The following ADGRG1 variants were observed in gnomAD, a reference collection of about 807,000 sequenced individuals.
ADGRG1 encodes 7-transmembrane protein with no EGF-like N-terminal domains-1.
Under a neutral mutation model 73.5 loss-of-function variants are expected in ADGRG1, and 53 were observed. That is an observed-to-expected ratio of 0.72 (90% CI 0.58 to 0.91). The LOEUF (loss-of-function observed/expected upper bound fraction) is 0.91. Among genes scored for constraint, ADGRG1 ranks in the 40% least tolerant of loss-of-function variants. The pLI is 0.00. For synonymous variants in ADGRG1, 394 were observed against 374.4 expected, an observed-to-expected ratio of 1.05 and a Z score of -0.60; for missense variants, 795 against 871.8, an observed-to-expected ratio of 0.91 and a Z score of 1.11.
intron 1 of ADGRG1, chr16:57,637,234 C>A: frequency 1.2e-6 from 1 of 804,922 alleles, no homozygotes; most frequent in Non-Finnish European, 1.5e-6. Context: ...TTCATCATTT[C>A]AGTCCCCGCC....
intron 5 of ADGRG1, 53 bp from the exon 6 acceptor site, chr16:57,655,346 G>A (rs1204978612): frequency 1.9e-6 from 3 of 1,604,176 alleles, no homozygotes; most frequent in African/African-American, 1.3e-5. Context: ...CTAGGGTGGG[G>A]GGCACGGATC....
intron 4 of ADGRG1, 60 bp from the exon 5 acceptor site, chr16:57,653,926 A>G (rs2148341654): frequency 6.2e-7 from 1 of 1,610,052 alleles, no homozygotes; most frequent in South Asian, 1.1e-5. Flanking sequence ...CTCCTGCCTC[A>G]GTCTCCCTGG....
chr16:57,627,951 C>T (rs2036178657), upstream of ADGRG1: 2 of 977,236 alleles, frequency 2.0e-6, no homozygotes, highest in Admixed American at 6.1e-5. Context: ...TTTGGCTCAG[C>T]AGATGGATTA....
intron 1 of ADGRG1, chr16:57,634,931 G>T: frequency 2.0e-6 from 2 of 984,940 alleles, no homozygotes; most frequent in South Asian, 4.7e-5. Flanking sequence ...TGTCTGGCAA[G>T]GTTCTTCCAA....
Position 57,653,303 on chromosome 16 carries a change from C to A in ADGRG1, c.588C>A (p.Ala196=). 1 of 1,612,070 alleles carries A rather than the reference C, an allele frequency of 6.2e-7. No homozygotes were observed. ...LSQFLKHPQK[A]SRRPSAAPAS... is the part of the protein sequence containing the mutation. The stretch of plus-strand genomic sequence containing the variant: ...AGTTCCTGAAGCATCCCCAGAAGGC[C>A]TCAAGGAGGCCCTCGGCTGCCCCCG... Residue 196 remains alanine (A), a synonymous_variant, in exon 4 of 14, where the codon GCC becomes GCA. Coordinates refer to ENST00000562631, the MANE Select transcript of ADGRG1 (RefSeq NM_201525.4).
At chr16:57,655,235 G>T in intron 5 of ADGRG1, 164 bp from the exon 6 acceptor site, 1 of 985,442 alleles carries the variant, frequency 1.0e-6, no homozygotes, top group African/African-American at 1.7e-5. Flanking sequence ...AGCAGGGAAG[G>T]GAGGGATGAG....
chr16:57,633,060 C>A, intron 1 of ADGRG1: 1 of 633,018 alleles, frequency 1.6e-6, no homozygotes, highest in Non-Finnish European at 2.0e-6. Flanking sequence ...TGCTCAAGGC[C>A]CATGGGGGAA....
At chr16:57,632,688 C>T in intron 1 of ADGRG1, 1 of 730,402 alleles carries the variant, frequency 1.4e-6, no homozygotes, top group Non-Finnish European at 1.7e-6. Flanking sequence ...GGGCGTCGGG[C>T]TCCCGAGCTG....
chr16:57,651,953 G>C, intron 3 of ADGRG1: 1 of 1,303,820 alleles, frequency 7.7e-7, no homozygotes, highest in Non-Finnish European at 9.8e-7. Context: ...TGAGAGAGCA[G>C]AGACTGGAAA....
At chr16:57,630,121 G>C (rs2037351361) in intron 1 of ADGRG1, 1 of 627,148 alleles carries the variant, frequency 1.6e-6, no homozygotes, top group Non-Finnish European at 2.0e-6. Context: ...CCGTGGGTGA[G>C]GCAAATAAGG....
intron 1 of ADGRG1, chr16:57,633,575 G>C: frequency 1.1e-6 from 1 of 919,824 alleles, no homozygotes; most frequent in Non-Finnish European, 1.3e-6. Context: ...GCCTGATTCT[G>C]TCCCAGCTCT....
chr16:57,628,291 G>A (rs1308033246), upstream of ADGRG1: 4 of 666,790 alleles, frequency 6.0e-6, no homozygotes, highest in South Asian at 6.6e-5. Flanking sequence ...TGGCAACCCC[G>A]GCCTCTCTGT....
At chr16:57,660,151 A>G in intron 11 of ADGRG1, 1 of 555,952 alleles carries the variant, frequency 1.8e-6, no homozygotes, top group Non-Finnish European at 2.3e-6. Context: ...CAGCCCTCTT[A>G]TGTCAGACCT....
intron 1 of ADGRG1, chr16:57,631,698 G>A (rs375932419): frequency 4.2e-5 from 41 of 985,284 alleles, no homozygotes; most frequent in Non-Finnish European, 4.7e-5. Flanking sequence ...GGGGCGGGGC[G>A]GGCTGGCACA....
Position 57,651,532 on chromosome 16 carries a change from C to G in ADGRG1, c.397C>G (p.Pro133Ala), listed in dbSNP as rs747112813. 6.2e-7 allele frequency: 1 copy of G among 1,614,222 alleles called. No individual in the cohort carries two copies. Among genetic ancestry groups the G allele is most frequent in the African/African-American group, 1.3e-5 (1 of 75,060 alleles). The change falls in exon 3 of 14, where the codon CCC becomes GCC. Residue 133 changes from proline to alanine, a missense_variant. Physicochemically the swap from Pro to Ala is conservative, Grantham distance 27 (BLOSUM62 -1). Transcript: ENST00000562631. ...CCAGGAGGAGAGCCTGGCTCAGGGC[C>G]CCCCGCTGTTAGCCACTTCTGTCAC... is the stretch of plus-strand genomic sequence containing the variant. ...QHQEESLAQG[P>A]PLLATSVTSW...
rs758332209 is a variant in ADGRG1, at chr16:57,656,590, C to T, written c.1140C>T (p.Asn380=). 3 of 1,612,328 alleles carry T rather than the reference C, an allele frequency of 1.9e-6. No individual in the cohort carries two copies. Among genetic ancestry groups the T allele is most frequent in the East Asian group, 2.2e-5 (1 of 44,884 alleles). ...RRETQTSCFC[N]HLTYFAVLMV... is the part of the protein sequence containing the mutation. ...AAACCCAAACATCCTGCTTCTGCAA[C>T]CACTTGACCTACTTTGCAGTGCTGA... Residue 380 remains asparagine (N), a synonymous_variant, in exon 9 of 14, where the codon AAC becomes AAT. Coordinates refer to ENST00000562631, the MANE Select transcript of ADGRG1 (RefSeq NM_201525.4).
rs1398436792 is a variant in ADGRG1, at chr16:57,659,471, C to T, written c.1345C>T (p.Leu449=). The change falls in exon 11 of 14, where the codon CTG becomes TTG. Residue 449 remains leucine, a synonymous_variant. Transcript: ENST00000562631. The stretch of plus-strand genomic sequence containing the variant: ...CATGAACCTGCTGCTGGCCGTCTTC[C>T]TGCTGGACACGAGCTTCCTGCTCAG... ...VHMNLLLAVF[L]LDTSFLLSEP... 1.9e-6 allele frequency: 3 copies of T among 1,613,916 alleles called. No individual in the cohort carries two copies. Among genetic ancestry groups the T allele is most frequent in the Non-Finnish European group, 2.5e-6 (3 of 1,179,970 alleles).
chr16:57,628,105 C>T (rs1265063811), upstream of ADGRG1: 3 of 981,704 alleles, frequency 3.1e-6, no homozygotes, highest in Admixed American at 6.3e-5. Context: ...TCGTGCGTGG[C>T]CTGGCTGGCC....
upstream of ADGRG1, chr16:57,624,315 C>T (rs573163138): frequency 5.4e-5 from 10 of 186,446 alleles, no homozygotes; most frequent in Non-Finnish European, 9.0e-5. Context: ...GCGTGGGCAA[C>T]GTATCAAGAC....
Sources: allele counts gnomAD v4.1 joint callset, GRCh38; gene constraint gnomAD v4.1.1; transcripts MANE v1.5; gene names NCBI Gene and HGNC (gene_info 2026-07-23, HGNC 2026-07-21).